DEPDC5: variants seen among roughly 807,000 people sequenced by gnomAD.
DEPDC5 encodes GATOR1 complex protein DEPDC5.
Under a neutral mutation model 217.3 loss-of-function variants are expected in DEPDC5, and 73 were observed. The observed-to-expected ratio is 0.34, with a 90% CI of 0.28 to 0.41. The LOEUF is 0.41. Among genes scored for constraint, DEPDC5 ranks in the 10% least tolerant of loss-of-function variants. The pLI, the probability that DEPDC5 is intolerant of heterozygous loss-of-function variation, is 1.00. For missense variants in DEPDC5, 1,675 were observed against 2,070.1 expected (o/e 0.81, Z 3.70); for synonymous variants, 733 against 756.7 (o/e 0.97, Z 0.51).
chr22:31,804,461 C>T (rs999117701), intron 16 of DEPDC5, among the ~76,000 whole-genome samples: 6 of 152,164 alleles, frequency 3.9e-5, no homozygotes, highest in South Asian at 2.1e-4. Context: ...ATTTTTGAGA[C>T]GATGTCTTGT....
intron 9 of DEPDC5, chr22:31,784,395 G>A (rs563123159): frequency 5.2e-6 from 1 of 191,468 alleles, no homozygotes; most frequent in East Asian, 1.5e-4. Context: ...TTGGGAGGCT[G>A]AGGTGGGCGG....
intron 31 of DEPDC5, among the ~76,000 whole-genome samples, chr22:31,848,638 T>C (rs1297628577): frequency 2.6e-5 from 4 of 152,138 alleles, no homozygotes; most frequent in African/African-American, 9.7e-5. Flanking sequence ...TCCAGCCCTG[T>C]AGTGGGAGGG....
rs2084072681 is a variant in DEPDC5 at position 31,778,179 on chromosome 22, T to C, written c.483+11T>C. 1 of 1,613,754 alleles carries C rather than the reference T, an allele frequency of 6.2e-7. No individual in the cohort carries two copies. The highest frequency in any genetic ancestry group is 1.3e-5 in the African/African-American group (1 of 74,934). ...AGTGAAGATACCAGGGTAAGATTTA[T>C]AAAATGCTTTTTTGGTTTTATCTCT... On this transcript the variant is annotated intron_variant, in intron 8 of 42. Transcript: ENST00000651528.
At chr22:31,898,399 A>G in intron 40 of DEPDC5, among the ~76,000 whole-genome samples, 1 of 152,226 alleles carries the variant, frequency 6.6e-6, no homozygotes, top group East Asian at 1.9e-4. Flanking sequence ...GTGGATGCAC[A>G]TATAAATAGC....
At chr22:31,804,257 A>G (rs2087220201) in intron 16 of DEPDC5, 34 bp downstream of exon 16, 2 of 1,607,288 alleles carry the variant, frequency 1.2e-6, no homozygotes, top group African/African-American at 1.3e-5. Flanking sequence ...ACTAAAGGCC[A>G]GTTGGAGTAT....
rs774388533 is a variant in DEPDC5 at position 31,754,990 on chromosome 22, A to T, written c.58+11A>T. On this transcript the variant is annotated intron_variant, in intron 2 of 42. Coordinates refer to ENST00000651528, the MANE Select transcript of DEPDC5 (RefSeq NM_001242896.3). ...GCTTTGGGGGCAGTGGTCAGTATCG[A>T]TTGGTCTTTAGAGGTTTTGTAAGTT... 1.9e-6 allele frequency: 3 copies of T among 1,614,170 alleles called. No homozygotes were observed. Among genetic ancestry groups the T allele is most frequent in the Non-Finnish European group, 2.5e-6 (3 of 1,180,028 alleles).
chr22:31,783,591 C>G (rs1328112606), intron 8 of DEPDC5, among the ~76,000 whole-genome samples: 1 of 152,178 alleles, frequency 6.6e-6, no homozygotes, highest in South Asian at 2.1e-4. Context: ...ATCCTGGAGC[C>G]TGGGAGTTTG....
At chr22:31,891,726 A>C (rs753175454) in intron 38 of DEPDC5, among the ~76,000 whole-genome samples, 1 of 151,884 alleles carries the variant, frequency 6.6e-6, no homozygotes, top group Non-Finnish European at 1.5e-5. Flanking sequence ...GTTTATAGAA[A>C]CCCTAGGTCT....
rs560722133 is a variant in DEPDC5, at chr22:31,903,068, C to T, written c.4436+1266C>T. Among the ~76,000 whole-genome samples, 11 of 152,018 alleles carry T rather than the reference C, an allele frequency of 7.2e-5. 1 individual carries two copies. In the South Asian group the frequency reaches 2.3e-3, roughly 31 times the overall value. ...GCCAGCTTTTTCTACCACAGATACCCTCACCTGTTTTCTGACCAGTCCTCT... is the reference window on the plus strand; with the variant it reads ...GCCAGCTTTTTCTACCACAGATACCTTCACCTGTTTTCTGACCAGTCCTCT... On this transcript the variant is annotated intron_variant, in intron 41 of 42. Transcript: ENST00000651528.
intron 7 of DEPDC5, among the ~76,000 whole-genome samples, chr22:31,772,645 G>A (rs1053391748): frequency 1.3e-5 from 2 of 152,084 alleles, no homozygotes; most frequent in African/African-American, 4.8e-5. Context: ...TTAGCTATGG[G>A]CCATATGAAA....
intron 24 of DEPDC5, among the ~76,000 whole-genome samples, chr22:31,827,974 C>T (rs2090284509): frequency 6.6e-6 from 1 of 152,232 alleles, no homozygotes; most frequent in African/African-American, 2.4e-5. Flanking sequence ...TCTCTCGCTT[C>T]CTTCAGGTCT....
chr22:31,888,251 T>TG (rs1290258824), intron 38 of DEPDC5, among the ~76,000 whole-genome samples: 1 of 140,340 alleles, frequency 7.1e-6, no homozygotes, highest in South Asian at 2.4e-4. Context: ...TTTTTTTTTT[T>TG]TTTTTTTTTT....
intron 32 of DEPDC5, among the ~76,000 whole-genome samples, chr22:31,859,738 T>C (rs928593573): frequency 1.3e-5 from 2 of 152,248 alleles, no homozygotes; most frequent in African/African-American, 4.8e-5. Flanking sequence ...ATCAGAGGGC[T>C]GGCCAGATTT....
At chr22:31,755,305 G>C (rs779762511) in intron 2 of DEPDC5, 3 of 361,318 alleles carry the variant, frequency 8.3e-6, no homozygotes, top group Non-Finnish European at 1.5e-5. Flanking sequence ...AACTAAAATC[G>C]TTTATCAGTT....
In DEPDC5 at chr22:31,905,972, G is replaced by A; in HGVS notation, c.4437-12G>A. The A allele has an allele frequency of 6.2e-7, 1 of 1,613,234 alleles. No homozygotes were observed. Among genetic ancestry groups the A allele is most frequent in the Non-Finnish European group, 8.5e-7 (1 of 1,179,302 alleles). ...GAGGCGCTGATTAGCATGTCTTCCT[G>A]TCCTTCCCTAGGTTTGGGTTTGTAC... On this transcript the variant is annotated splice_polypyrimidine_tract_variant and intron_variant, in intron 41 of 42. Coordinates refer to ENST00000651528, the MANE Select transcript of DEPDC5 (RefSeq NM_001242896.3).
rs537914443 is a variant in DEPDC5, at chr22:31,758,776, G to T, written c.146+143G>T. 2.3e-5 allele frequency: 18 copies of T among 795,946 alleles called. No homozygotes were observed. In the East Asian group the frequency reaches 4.5e-4, roughly 20 times the overall value. 49.3% of individuals were successfully genotyped at this position (795,946 alleles called of 1,614,324 possible). On this transcript the variant is annotated intron_variant, in intron 3 of 42. Transcript: ENST00000651528. Reference sequence around the variant, plus strand: ...TTCCAGCACTTTGGGAGGCTGAGGTGGGTAGGTCATTTGAGCCCGGGAGTT... The same window carrying T: ...TTCCAGCACTTTGGGAGGCTGAGGTTGGTAGGTCATTTGAGCCCGGGAGTT...
At chr22:31,838,911 A>G (rs1291181450) in intron 27 of DEPDC5, 66 bp downstream of exon 27, 4 of 1,511,380 alleles carry the variant, frequency 2.6e-6, no homozygotes, top group Middle Eastern at 1.8e-4. Context: ...TGGGTTTTCA[A>G]GATGGTAGGT....
chr22:31,805,477 A>G (rs1048374265), intron 17 of DEPDC5, among the ~76,000 whole-genome samples: 28 of 151,102 alleles, frequency 1.9e-4, no homozygotes, highest in African/African-American at 2.7e-4. Flanking sequence ...AGAGCATTCT[A>G]TCCTTCTCTG....
At chr22:31,866,952 A>G (rs2092706189) in intron 33 of DEPDC5, among the ~76,000 whole-genome samples, 1 of 152,218 alleles carries the variant, frequency 6.6e-6, no homozygotes, top group African/African-American at 2.4e-5. Context: ...AGCCATCTCT[A>G]CTATGAAGTT....
Sources: gnomAD v4.1 joint callset for allele counts (sites outside exome capture counted in the v4.1 genomes callset) on GRCh38, gnomAD v4.1.1 for gene constraint, MANE v1.5 for transcripts, NCBI Gene and HGNC (gene_info 2026-07-23, HGNC 2026-07-21) for gene names.